Variants in ESR1 observed in about 807,000 individuals in gnomAD.
ESR1 encodes the protein estrogen receptor 1.
A neutral mutation model predicts 52.7 loss-of-function variants in ESR1; 12 were observed. The observed-to-expected ratio is 0.23, with a 90% CI of 0.15 to 0.37. The LOEUF is 0.37. ESR1 is among the 10% of genes least tolerant of loss of function. ESR1 has a pLI of 1.00. For missense variants in ESR1, 584 were observed against 779.7 expected, an observed-to-expected ratio of 0.75 and a Z score of 2.99; for synonymous variants, 305 against 316.8, an observed-to-expected ratio of 0.96 and a Z score of 0.39.
At chr6:151,771,012 C>T in intron 2 of ESR1, among the ~76,000 whole-genome samples, 1 of 152,186 alleles carries the variant, frequency 6.6e-6, no homozygotes, top group East Asian at 1.9e-4. Context: ...GATGCCCCAG[C>T]TATGCACCAG....
chr6:151,825,962 A>C (rs1781421762), intron 1 of ESR1, among the ~76,000 whole-genome samples: 1 of 149,310 alleles, frequency 6.7e-6, no homozygotes, highest in East Asian at 2.0e-4. Flanking sequence ...GGTTCTGGGT[A>C]CTTAGGAATT....
chr6:151,858,969 T>C (rs1172303465), intron 2 of ESR1, among the ~76,000 whole-genome samples: 1 of 152,188 alleles, frequency 6.6e-6, no homozygotes, highest in Admixed American at 6.6e-5. Flanking sequence ...GAACTGTTAT[T>C]AAAAGGCTAT....
chr6:151,870,818 A>G (rs900220128), intron 2 of ESR1, among the ~76,000 whole-genome samples: 3 of 151,476 alleles, frequency 2.0e-5, no homozygotes, highest in Admixed American at 1.3e-4. Flanking sequence ...GACCCACCCC[A>G]TGTAGATGCT....
At chr6:151,837,999 T>G (rs1281332720) in intron 1 of ESR1, among the ~76,000 whole-genome samples, 6 of 152,030 alleles carry the variant, frequency 3.9e-5, no homozygotes, top group African/African-American at 9.7e-5. Flanking sequence ...TTTTTAAAAT[T>G]TATTTTATAT....
chr6:151,895,628 CTATT>C (rs1393762598), intron 3 of ESR1, among the ~76,000 whole-genome samples: 1 of 152,156 alleles, frequency 6.6e-6, no homozygotes, highest in Non-Finnish European at 1.5e-5. Context: ...TTTTCTGTAT[CTATT>C]GCGATTATTG....
At chr6:151,693,575 C>T (rs1271702390) in intron 1 of ESR1, among the ~76,000 whole-genome samples, 2 of 152,184 alleles carry the variant, frequency 1.3e-5, no homozygotes, top group African/African-American at 2.4e-5. Flanking sequence ...AAGCATGTTG[C>T]TTCATTGTTG....
At chr6:152,108,732 G>A (rs1391987239) in intron 6 of ESR1, among the ~76,000 whole-genome samples, 2 of 152,182 alleles carry the variant, frequency 1.3e-5, no homozygotes, top group African/African-American at 4.8e-5. Context: ...ACTGGGGCTG[G>A]ATTACATACT....
chr6:151,788,970 G>A lies in ESR1; in HGVS notation c.-70-18873G>A, dbSNP rs1029831795. ...CCTATCAGAGGGTGGAGGGTGGAAG[G>A]AGGGAGAGGATCAGGAAAAATAACT... On this transcript the variant is annotated intron_variant, in intron 2 of 2. Coordinates refer to the ESR1 transcript ENST00000404742. Among the ~76,000 whole-genome samples the A allele has an allele frequency of 2.8e-4, 42 of 152,204 alleles. 1 individual carries two copies. Among genetic ancestry groups the A allele is most frequent in the Non-Finnish European group, 4.4e-5 (3 of 68,026 alleles).
chr6:151,993,800 C>T (rs191658088), intron 4 of ESR1, among the ~76,000 whole-genome samples: 17 of 152,286 alleles, frequency 1.1e-4, no homozygotes, highest in East Asian at 5.8e-4. Flanking sequence ...CAAGGCCACA[C>T]GGCTTCTTAG....
intron 5 of ESR1, among the ~76,000 whole-genome samples, chr6:152,036,343 G>C (rs9478268): frequency 2.8e-4 from 43 of 152,292 alleles, no homozygotes; most frequent in African/African-American, 9.6e-4. Flanking sequence ...CTGGGCAACA[G>C]TGCGAGACTC....
intron 1 of ESR1, among the ~76,000 whole-genome samples, chr6:151,827,440 T>C (rs1486727895): frequency 6.6e-6 from 1 of 151,856 alleles, no homozygotes; most frequent in Non-Finnish European, 1.5e-5. Context: ...GGACTCTGGC[T>C]TTTACTCTGA....
At chr6:151,744,739 T>C (rs759736947) in intron 2 of ESR1, among the ~76,000 whole-genome samples, 1 of 152,234 alleles carries the variant, frequency 6.6e-6, no homozygotes. Flanking sequence ...TGTATATCTT[T>C]TCCTTTGGTT....
chr6:151,721,005 G>A (rs1230645355), intron 2 of ESR1, among the ~76,000 whole-genome samples: 1 of 152,222 alleles, frequency 6.6e-6, no homozygotes, highest in Non-Finnish European at 1.5e-5. Context: ...ATATCTCCTA[G>A]TATGGGCTTA....
chr6:152,055,597 C>T (rs1462202751), intron 5 of ESR1, among the ~76,000 whole-genome samples: 1 of 152,156 alleles, frequency 6.6e-6, no homozygotes, highest in East Asian at 1.9e-4. Flanking sequence ...TCTTGTAAGG[C>T]CATTTATCTT....
At chr6:151,901,591 C>G (rs1296940839) in intron 3 of ESR1, among the ~76,000 whole-genome samples, 1 of 152,174 alleles carries the variant, frequency 6.6e-6, no homozygotes, top group Non-Finnish European at 1.5e-5. Context: ...ATTAGGGGAC[C>G]CAGAGAGCCC....
Position 151,965,255 on chromosome 6 carries a change from TTTTCAAATCTG to T in ESR1, c.1096+20748_1096+20758del, listed in dbSNP as rs2038147019. Among the ~76,000 whole-genome samples, 3 of 152,330 alleles carry T rather than the reference TTTTCAAATCTG, an allele frequency of 2.0e-5. No individual in the cohort carries two copies. The South Asian group carries it at 6.2e-4, about 32-fold the overall frequency. On this transcript the variant is annotated intron_variant, in intron 4 of 7. Coordinates refer to ENST00000206249, the MANE Select transcript of ESR1 (RefSeq NM_000125.4). ...AGTATATATATATATCTCTAAGAAT[TTTTCAAATCTG>T]CTATAGTTTTTAAACATATTTATTG...
At chr6:151,738,873 G>A (rs772164294) in intron 2 of ESR1, among the ~76,000 whole-genome samples, 25 of 152,132 alleles carry the variant, frequency 1.6e-4, no homozygotes, top group Non-Finnish European at 8.8e-5. Flanking sequence ...TATTGACTTG[G>A]GAGTTGTCCC....
At chr6:151,956,741 AC>A (rs932205079) in intron 4 of ESR1, among the ~76,000 whole-genome samples, 22 of 149,740 alleles carry the variant, frequency 1.5e-4, no homozygotes, top group African/African-American at 5.4e-4. Context: ...AAAAAAAACA[AC>A]CCTTCTCCTT....
intron 6 of ESR1, among the ~76,000 whole-genome samples, chr6:152,082,827 A>G (rs960259120): frequency 8.5e-5 from 13 of 152,230 alleles, no homozygotes; most frequent in African/African-American, 3.1e-4. Flanking sequence ...TAATAGACAA[A>G]CAGAGAGCCA....
Sources: allele counts gnomAD v4.1 joint callset (sites outside exome capture counted in the v4.1 genomes callset), GRCh38; gene constraint gnomAD v4.1.1; transcripts MANE v1.5; gene names NCBI Gene and HGNC (gene_info 2026-07-23, HGNC 2026-07-21).